The following SPDEF variants were observed in gnomAD, a reference collection of about 807,000 sequenced individuals.
The protein encoded by SPDEF is SAM pointed domain containing ETS transcription factor, also known as SAM pointed domain-containing Ets transcription factor.
A neutral mutation model predicts 36.0 loss-of-function variants in SPDEF; 12 were observed. That is an observed-to-expected ratio of 0.33 (90% CI 0.21 to 0.54). The LOEUF is 0.54. Ranked by LOEUF, SPDEF falls within the 20% of genes least tolerant of loss-of-function variation. The pLI, the probability that SPDEF is intolerant of heterozygous loss-of-function variation, is 0.93. For synonymous variants in SPDEF, 205 were observed against 193.0 expected, an observed-to-expected ratio of 1.06 and a Z score of -0.51; for missense variants, 388 against 456.9, an observed-to-expected ratio of 0.85 and a Z score of 1.37.
intron 3 of SPDEF, among the ~76,000 whole-genome samples, chr6:34,540,231 T>C (rs898465889): frequency 6.6e-6 from 1 of 151,860 alleles, no homozygotes; most frequent in Non-Finnish European, 1.5e-5. Flanking sequence ...AACAGGGAAG[T>C]CGAGGCTATA....
intron 2 of SPDEF, 46 bp downstream of exon 2, chr6:34,543,974 T>C (rs1352510469): frequency 1.3e-6 from 2 of 1,580,770 alleles, no homozygotes; most frequent in African/African-American, 2.7e-5. Flanking sequence ...ACCTCAGCCT[T>C]GCCTGTGACC....
intron 1 of SPDEF, among the ~76,000 whole-genome samples, chr6:34,550,362 C>T (rs996068317): frequency 3.9e-5 from 6 of 152,186 alleles, no homozygotes; most frequent in South Asian, 2.1e-4. Context: ...CACTTCTGCC[C>T]GCTGGACAGA....
At chr6:34,550,314 C>T (rs1768032411) in intron 1 of SPDEF, among the ~76,000 whole-genome samples, 1 of 152,220 alleles carries the variant, frequency 6.6e-6, no homozygotes, top group Admixed American at 6.5e-5. Flanking sequence ...AAGTGCCAGA[C>T]CCCTTCCTTA....
chr6:34,546,306 G>T (rs1455930818), intron 1 of SPDEF, among the ~76,000 whole-genome samples: 2 of 152,160 alleles, frequency 1.3e-5, no homozygotes, highest in African/African-American at 4.8e-5. Flanking sequence ...CAGTTGGGGG[G>T]AAGGCTTTAA....
Position 34,548,091 on chromosome 6 carries a change from C to A in SPDEF, c.-29-3607G>T, listed in dbSNP as rs544955368. 5.9e-5 allele frequency among the ~76,000 whole-genome samples: 9 copies of A among 152,286 alleles called. No homozygotes were observed. The South Asian group carries it at 1.9e-3, about 32-fold the overall frequency. ...GAAGAAGAGAGAACGGCACTGTGAG[C>A]CCCTGGCAGTGAGCACCAGTGCCAC... is the stretch of plus-strand genomic sequence containing the variant. On this transcript the variant is annotated intron_variant, in intron 1 of 5. Coordinates refer to ENST00000374037, the MANE Select transcript of SPDEF (RefSeq NM_012391.3).
At chr6:34,542,561 T>C (rs1425632793) in intron 2 of SPDEF, among the ~76,000 whole-genome samples, 1 of 152,242 alleles carries the variant, frequency 6.6e-6, no homozygotes, top group Non-Finnish European at 1.5e-5. Flanking sequence ...CACCACTCAA[T>C]TCCCCCGTCC....
chr6:34,549,375 G>A lies in SPDEF; in HGVS notation c.-29-4891C>T, dbSNP rs184254233. ...CATTCCCCCAGGAAGGAAGATTAAGGAAAGTGAGCAGAGGGACCCAAAAGG... is the reference window on the plus strand; with the variant it reads ...CATTCCCCCAGGAAGGAAGATTAAGAAAAGTGAGCAGAGGGACCCAAAAGG... On this transcript the variant is annotated intron_variant, in intron 1 of 5. Transcript: ENST00000374037. Among the ~76,000 whole-genome samples the A allele has an allele frequency of 2.0e-4, 30 of 152,296 alleles. No individual in the cohort carries two copies. In the East Asian group the frequency reaches 5.6e-3, roughly 28 times the overall value.
Position 34,552,101 on chromosome 6 carries a change from C to T in SPDEF, c.-30+3828G>A, listed in dbSNP as rs1768073723. Among the ~76,000 whole-genome samples, 1 of 152,216 alleles carries T rather than the reference C, an allele frequency of 6.6e-6. No homozygotes were observed. The highest frequency in any genetic ancestry group is 2.1e-4 in the South Asian group (1 of 4,834). ...CATCCCCGCTTTGCCATGATGCAGC[C>T]CGGGTCACATGGCTGCCCCTCTCTG... On this transcript the variant is annotated intron_variant, in intron 1 of 5. Transcript: ENST00000374037. This position sits in a 1 kb window ranked among gnomAD's most constrained non-coding sequence, Gnocchi z 4.6.
chr6:34,552,000 T>C (rs1304100742), intron 1 of SPDEF, among the ~76,000 whole-genome samples: 1 of 152,164 alleles, frequency 6.6e-6, no homozygotes, highest in Non-Finnish European at 1.5e-5. Flanking sequence ...CATGTGTATA[T>C]AAATACATTT....
At position 34,541,920 on chromosome 6, in the gene SPDEF, C is replaced by T. The variant is rs149074445; in HGVS notation, c.437-739G>A. On this transcript the variant is annotated intron_variant, in intron 2 of 5. Transcript: ENST00000374037. ...GTGGGCATGGTCACAATGGGGCCTC[C>T]AAGTGAACACCATGGTCCAGCCAGT... 7.0e-3 allele frequency among the ~76,000 whole-genome samples: 1,068 copies of T among 152,334 alleles called. 7 individuals carry two copies. Among genetic ancestry groups the T allele is most frequent in the Non-Finnish European group, 0.011 (760 of 68,024 alleles).
chr6:34,545,618 C>T (rs1767935493), intron 1 of SPDEF, among the ~76,000 whole-genome samples: 1 of 152,226 alleles, frequency 6.6e-6, no homozygotes. Context: ...CTTAAGAATA[C>T]ATCAAGACAG....
At position 34,549,722 on chromosome 6, in the gene SPDEF, G is replaced by A. The variant is rs368353892; in HGVS notation, c.-29-5238C>T. Reference sequence around the variant, plus strand: ...ATCCTCACCCCTACCTCAATCCTGAGACCCAATGCCAGCCCGCCCAGAGCC... The same window carrying A: ...ATCCTCACCCCTACCTCAATCCTGAAACCCAATGCCAGCCCGCCCAGAGCC... On this transcript the variant is annotated intron_variant, in intron 1 of 5. Transcript: ENST00000374037. 2.0e-5 allele frequency among the ~76,000 whole-genome samples: 3 copies of A among 152,174 alleles called. No individual in the cohort carries two copies. In the South Asian group the frequency reaches 6.2e-4, roughly 31 times the overall value.
chr6:34,544,366 C>T lies in SPDEF; in HGVS notation c.90G>A (p.Lys30=). The T allele has an allele frequency of 1.9e-6, 3 of 1,602,990 alleles. No individual in the cohort carries two copies. Among genetic ancestry groups the T allele is most frequent in the African/African-American group, 1.3e-5 (1 of 74,996 alleles). The change falls in exon 2 of 6, where the codon AAG becomes AAA. Residue 30 remains lysine, a synonymous_variant. Transcript: ENST00000374037. The surrounding 1 kb of genome is among the most constrained non-coding windows in gnomAD (Gnocchi z 4.4). ...CGAGACCCACTGCCCCCGCTGCCGC[C>T]TTCTCCAAGCCTGTCCGCGACACCG... ...PDTVSRTGLE[K]AAAGAVGLER...
Position 34,538,177 on chromosome 6 carries a change from G to T in SPDEF, c.*97C>A. On this transcript the variant is annotated 3_prime_UTR_variant, in exon 6 of 6. Transcript: ENST00000374037. The surrounding 1 kb of genome is among the most constrained non-coding windows in gnomAD (Gnocchi z 5.9). ...GGCTCTGGAAGGTCAGAGCAGCAGA[G>T]CAGACTGCCCGTTTTCCCCCATCTC... 7.4e-7 allele frequency: 1 copy of T among 1,357,122 alleles called. No homozygotes were observed. Among genetic ancestry groups the T allele is most frequent in the Non-Finnish European group, 1.0e-6 (1 of 977,742 alleles). The allele number at this position is 1,357,122 out of a possible 1,614,324, so 84.1% of individuals were successfully genotyped here.
chr6:34,545,327 G>A (rs1025851102), intron 1 of SPDEF, among the ~76,000 whole-genome samples: 2 of 152,266 alleles, frequency 1.3e-5, no homozygotes, highest in African/African-American at 4.8e-5. Flanking sequence ...CAGGGTGGTT[G>A]TGAGATGGGG....
chr6:34,542,663 C>T (rs1767847979), intron 2 of SPDEF, among the ~76,000 whole-genome samples: 2 of 152,184 alleles, frequency 1.3e-5, no homozygotes. Context: ...CCAAGGCAGA[C>T]GGATGACCTG....
At chr6:34,550,788 G>A (rs940575243) in intron 1 of SPDEF, among the ~76,000 whole-genome samples, 3 of 152,196 alleles carry the variant, frequency 2.0e-5, no homozygotes, top group Non-Finnish European at 2.9e-5. Context: ...GCGGGGCCAC[G>A]TAGCAGGAAG....
chr6:34,547,614 GC>G (rs1394163583), intron 1 of SPDEF, among the ~76,000 whole-genome samples: 1 of 152,114 alleles, frequency 6.6e-6, no homozygotes, highest in Non-Finnish European at 1.5e-5. Context: ...TGATCCCCCT[GC>G]TTCAGCCTCC....
Position 34,538,305 on chromosome 6 carries a change from C to T in SPDEF, c.977G>A (p.Arg326His), listed in dbSNP as rs761867963. 5 of 1,614,048 alleles carry T rather than the reference C, an allele frequency of 3.1e-6. No homozygotes were observed. The highest frequency in any genetic ancestry group is 4.2e-6 in the Non-Finnish European group (5 of 1,179,930). ...GIIRKPDISQ[R>H]LVYQFVHPI ...GGGGTGCACGAACTGGTAGACGAGG[C>T]GCTGGGAGATGTCTGGCTTCCGGAT... The change falls in exon 6 of 6, where the codon CGC becomes CAC. Residue 326 changes from arginine to histidine, a missense_variant. Transcript: ENST00000374037. This position sits in a 1 kb window ranked among gnomAD's most constrained non-coding sequence, Gnocchi z 5.9.
Sources: allele counts gnomAD v4.1 joint callset (sites outside exome capture counted in the v4.1 genomes callset), GRCh38; gene constraint gnomAD v4.1.1; non-coding constraint Gnocchi (gnomAD v3.1); transcripts MANE v1.5; gene names NCBI Gene and HGNC (gene_info 2026-07-23, HGNC 2026-07-21).